Variants in MET observed in about 807,000 individuals in gnomAD.
The protein encoded by MET is MET proto-oncogene, receptor tyrosine kinase.
A neutral mutation model predicts 133.1 loss-of-function variants in MET; 48 were observed. The ratio of observed to expected loss-of-function variants is 0.36; its 90% CI spans 0.29 to 0.46. The LOEUF (loss-of-function observed/expected upper bound fraction) is 0.46. Ranked by LOEUF, MET falls within the 20% of genes least tolerant of loss-of-function variation. The probability of loss-of-function intolerance (pLI) is 1.00; values close to 1 mark genes in which losing one functional copy is unlikely to be tolerated. For synonymous variants in MET, 628 were observed against 616.5 expected (o/e 1.02, Z -0.28); for missense variants, 1,442 against 1,695.9 (o/e 0.85, Z 2.63).
At chr7:116,681,005 C>A (rs1304765992) in intron 1 of MET, among the ~76,000 whole-genome samples, 9 of 151,940 alleles carry the variant, frequency 5.9e-5, no homozygotes, top group Non-Finnish European at 1.0e-4. Context: ...GTACCTTTAC[C>A]ATTTTCCCAC....
intron 1 of MET, chr7:116,695,771 A>G: frequency 2.0e-6 from 1 of 492,188 alleles, no homozygotes; most frequent in East Asian, 5.1e-5. Flanking sequence ...AGAGTAAATC[A>G]AAGAGTTTAG....
chr7:116,674,281 C>G (rs189734950), intron 1 of MET, among the ~76,000 whole-genome samples: 4 of 152,064 alleles, frequency 2.6e-5, no homozygotes, highest in Non-Finnish European at 4.4e-5. Flanking sequence ...CCAGTCAATA[C>G]GAAAGCTCAT....
intron 5 of MET, among the ~76,000 whole-genome samples, chr7:116,742,015 A>G (rs575989051): frequency 1.1e-4 from 16 of 152,224 alleles, no homozygotes; most frequent in Non-Finnish European, 2.1e-4. Flanking sequence ...TTGCTTAAAA[A>G]CACTTCCCTG....
At chr7:116,775,399 A>G (rs545226359) in intron 15 of MET, among the ~76,000 whole-genome samples, 1 of 152,226 alleles carries the variant, frequency 6.6e-6, no homozygotes, top group Admixed American at 6.5e-5. Context: ...CAAAGGTGCC[A>G]TTTACTTTCT....
chr7:116,726,729 G>T (rs940028464), intron 2 of MET, among the ~76,000 whole-genome samples: 1 of 152,162 alleles, frequency 6.6e-6, no homozygotes, highest in African/African-American at 2.4e-5. Context: ...AGGGAGAAAA[G>T]GATAAAAAGA....
At position 116,731,855 on chromosome 7, in the gene MET, T is replaced by A. The variant is rs1584914382; in HGVS notation, c.1388T>A (p.Met463Lys). Residue 463 changes from methionine to lysine, a missense_variant, in exon 3 of 21, where the codon ATG (methionine) becomes AAG (lysine). Physicochemically the swap from Met to Lys is moderately conservative, Grantham distance 95 (BLOSUM62 -1). This residue lies in a region of MET where 762 missense variants were observed against 792.4 expected (regional missense o/e 0.96). Coordinates refer to ENST00000397752, the MANE Select transcript of MET (RefSeq NM_000245.4). Reference protein sequence around the residue: ...ANLGTSEGRFMQVVVSRSGPS... With the variant: ...ANLGTSEGRFKQVVVSRSGPS... ...CTTGGGACATCAGAGGGTCGCTTCATGCAGGTAAGTGCTTTCTGAGAGTAG... is the reference window on the plus strand; with the variant it reads ...CTTGGGACATCAGAGGGTCGCTTCAAGCAGGTAAGTGCTTTCTGAGAGTAG... 2 of 1,614,008 alleles carry A rather than the reference T, an allele frequency of 1.2e-6. No homozygotes were observed. The highest frequency in any genetic ancestry group is 1.7e-6 in the Non-Finnish European group (2 of 1,179,872).
At chr7:116,693,781 A>G (rs1420950572) in intron 1 of MET, among the ~76,000 whole-genome samples, 1 of 152,206 alleles carries the variant, frequency 6.6e-6, no homozygotes, top group Non-Finnish European at 1.5e-5. Context: ...CACTCTGTAC[A>G]GTATCTGACA....
chr7:116,739,678 T>A (rs189483394), intron 3 of MET, among the ~76,000 whole-genome samples: 65 of 152,350 alleles, frequency 4.3e-4, no homozygotes, highest in Admixed American at 1.5e-3. Context: ...GGGATTTGTC[T>A]GTATGTGCTG....
At position 116,797,416 on chromosome 7, in the gene MET, G is replaced by T; in HGVS notation, c.*1292G>T. 4.4e-6 allele frequency: 1 copy of T among 227,866 alleles called. No individual in the cohort carries two copies. Among genetic ancestry groups the T allele is most frequent in the Non-Finnish European group, 8.7e-6 (1 of 114,634 alleles). The allele number at this position is 227,866 out of a possible 1,614,324, so 14.1% of individuals were successfully genotyped here. A position where few individuals can be genotyped will look rare whatever the true frequency, so the allele number is the denominator to read the frequency against. On this transcript the variant is annotated 3_prime_UTR_variant, in exon 21 of 21. Transcript: ENST00000397752. ...TTGGGGAGTTTTATTTTGCATTAGGGTGTGTTTTATGTTAAGCAAAACATA... is the reference window on the plus strand; with the variant it reads ...TTGGGGAGTTTTATTTTGCATTAGGTTGTGTTTTATGTTAAGCAAAACATA...
rs1291977283 is a variant in MET, at chr7:116,699,353, T to C, written c.269T>C (p.Leu90Pro). The C allele has an allele frequency of 6.2e-7, 1 of 1,614,070 alleles. No individual in the cohort carries two copies. Among genetic ancestry groups the C allele is most frequent in the Non-Finnish European group, 8.5e-7 (1 of 1,179,960 alleles). Residue 90 changes from leucine (L) to proline (P), a missense_variant, in exon 2 of 21, where the codon CTG becomes CCG. Coordinates refer to ENST00000397752, the MANE Select transcript of MET (RefSeq NM_000245.4). ...GCTGAGTACAAGACTGGGCCTGTGC[T>C]GGAACACCCAGATTGTTTCCCATGT... is the stretch of plus-strand genomic sequence containing the variant. ...KVAEYKTGPV[L>P]EHPDCFPCQD...
Position 116,783,412 on chromosome 7 carries a change from G to C in MET, c.3741G>C (p.Val1247=), listed in dbSNP as rs1584965646. The C allele has an allele frequency of 1.2e-6, 2 of 1,614,186 alleles. No homozygotes were observed. The highest frequency in any genetic ancestry group is 1.1e-5 in the South Asian group (1 of 91,090). Reference sequence around the variant, plus strand: ...ACAAAACAGGTGCAAAGCTGCCAGTGAAGTGGATGGCTTTGGAAAGTCTGC... The same window carrying C: ...ACAAAACAGGTGCAAAGCTGCCAGTCAAGTGGATGGCTTTGGAAAGTCTGC... ...VHNKTGAKLP[V]KWMALESLQT... is the part of the protein sequence containing the mutation. Residue 1247 remains valine, a synonymous_variant, in exon 19 of 21, where the codon GTG becomes GTC. Coordinates refer to ENST00000397752, the MANE Select transcript of MET (RefSeq NM_000245.4).
chr7:116,704,535 GCA>G (rs1238726284), intron 2 of MET, among the ~76,000 whole-genome samples: 1 of 152,062 alleles, frequency 6.6e-6, no homozygotes, highest in Non-Finnish European at 1.5e-5. Flanking sequence ...TCTGGAAGAG[GCA>G]CATTCTGGTT....
intron 17 of MET, 88 bp downstream of exon 17, chr7:116,779,045 G>T (rs981988350): frequency 2.3e-6 from 3 of 1,313,418 alleles, no homozygotes; most frequent in East Asian, 2.4e-5. Context: ...TCTTTAAAAA[G>T]CTAGTAGCCA....
intron 18 of MET, 76 bp downstream of exon 18, chr7:116,782,173 G>C: frequency 2.0e-6 from 2 of 1,012,210 alleles, no homozygotes; most frequent in South Asian, 2.7e-5. Flanking sequence ...TTCAATGCTA[G>C]TTAAGCTGTT....
chr7:116,710,333 G>A (rs1475706415), intron 2 of MET, among the ~76,000 whole-genome samples: 1 of 152,142 alleles, frequency 6.6e-6, no homozygotes, highest in African/African-American at 2.4e-5. Context: ...AATTTCAAAA[G>A]GTCAAAGCAG....
chr7:116,771,325 A>T (rs189242797), intron 12 of MET, among the ~76,000 whole-genome samples, 173 bp from the exon 13 acceptor site: 281 of 152,310 alleles, frequency 1.8e-3, no homozygotes, highest in Non-Finnish European at 3.3e-3. Context: ...GTGTCCCCTA[A>T]TTATTTGAAC....
chr7:116,744,352 G>A (rs1346139588), intron 5 of MET, among the ~76,000 whole-genome samples: 1 of 152,008 alleles, frequency 6.6e-6, no homozygotes, highest in African/African-American at 2.4e-5. Context: ...TAAATGACCT[G>A]ATGGAGCTGA....
chr7:116,785,407 TGGG>T (rs543915598), intron 19 of MET, among the ~76,000 whole-genome samples: 9 of 151,526 alleles, frequency 5.9e-5, no homozygotes, highest in African/African-American at 2.2e-4. Context: ...CAGGACCAAG[TGGG>T]GGGAGGGGGA....
At chr7:116,682,323 T>C (rs141519069) in intron 1 of MET, among the ~76,000 whole-genome samples, 1 of 152,338 alleles carries the variant, frequency 6.6e-6, no homozygotes, top group Non-Finnish European at 1.5e-5. Flanking sequence ...TCCTTCATAA[T>C]CCCTAAATGG....
Sources: allele counts gnomAD v4.1 joint callset (sites outside exome capture counted in the v4.1 genomes callset), GRCh38; gene constraint gnomAD v4.1.1; regional missense constraint gnomAD v4.1.1; transcripts MANE v1.5; gene names NCBI Gene and HGNC (gene_info 2026-07-23, HGNC 2026-07-21).